Variants in TNFSF4 observed in about 807,000 individuals in gnomAD.
TNFSF4 encodes the protein tumor necrosis factor ligand superfamily member 4.
TNFSF4 carries 4 observed loss-of-function variants against 7.3 expected under a neutral mutation model. The observed-to-expected ratio is 0.55, with a 90% confidence interval of 0.27 to 1.25. The LOEUF (loss-of-function observed/expected upper bound fraction) is 1.25, where lower values mean the gene tolerates loss of function less well. Among genes scored for constraint, TNFSF4 ranks in the 50% most tolerant of loss-of-function variants. The pLI, the probability that TNFSF4 is intolerant of heterozygous loss-of-function variation, is 0.12. For missense variants in TNFSF4, 181 were observed against 208.8 expected, an observed-to-expected ratio of 0.87 and a Z score of 0.82; for synonymous variants, 76 against 83.7, an observed-to-expected ratio of 0.91 and a Z score of 0.50.
chr1:173,379,249 C>CG, the TNFSF4 span, among the ~76,000 whole-genome samples: 1 of 152,094 alleles, frequency 6.6e-6, no homozygotes, highest in Non-Finnish European at 1.5e-5. Flanking sequence ...CAGTATGGAT[C>CG]CCCACTGGGA....
At position 173,186,807 on chromosome 1, in the gene TNFSF4, C is replaced by A. The variant is rs769399217; in HGVS notation, c.261G>T (p.Lys87Asn). The A allele has an allele frequency of 4.3e-6, 7 of 1,612,720 alleles. No individual in the cohort carries two copies. Among genetic ancestry groups the A allele is most frequent in the Non-Finnish European group, 3.4e-6 (4 of 1,179,398 alleles). ...TGATGATGACTGAGTTGTTCTGCACCTTCATGATTTCATCCTCCTTTTGGG... is the reference window on the plus strand; with the variant it reads ...TGATGATGACTGAGTTGTTCTGCACATTCATGATTTCATCCTCCTTTTGGG... ...LTSQKEDEIM[K>N]VQNNSVIINC... Residue 87 changes from lysine to asparagine, a missense_variant, in exon 3 of 3, where the codon AAG becomes AAT. Transcript: ENST00000281834.
chr1:173,314,267 T>A, the TNFSF4 span, among the ~76,000 whole-genome samples: 2 of 152,148 alleles, frequency 1.3e-5, no homozygotes, highest in Non-Finnish European at 2.9e-5. Context: ...TAAGAACAAT[T>A]GTATACATTT....
the TNFSF4 span, among the ~76,000 whole-genome samples, chr1:173,414,932 T>A: frequency 6.6e-6 from 1 of 152,090 alleles, no homozygotes; most frequent in Non-Finnish European, 1.5e-5. Flanking sequence ...GCCCTTGACC[T>A]GATGAGCCAA....
the TNFSF4 span, among the ~76,000 whole-genome samples, chr1:173,178,447 G>A: frequency 3.3e-5 from 5 of 152,080 alleles, no homozygotes; most frequent in Non-Finnish European, 5.9e-5. Context: ...GGTAGCTGGC[G>A]CCTGTAGTCC....
At chr1:173,315,612 C>T in the TNFSF4 span, among the ~76,000 whole-genome samples, 2 of 152,228 alleles carry the variant, frequency 1.3e-5, no homozygotes, top group African/African-American at 4.8e-5. Flanking sequence ...TAAAGGGAGG[C>T]TACTGTGGGT....
chr1:173,345,417 T>C, the TNFSF4 span, among the ~76,000 whole-genome samples: 1 of 152,172 alleles, frequency 6.6e-6, no homozygotes, highest in Non-Finnish European at 1.5e-5. Flanking sequence ...AAGAGAGACC[T>C]CAGTATAGAC....
At chr1:173,411,994 T>C in the TNFSF4 span, among the ~76,000 whole-genome samples, 2 of 149,410 alleles carry the variant, frequency 1.3e-5, no homozygotes, top group African/African-American at 2.5e-5. Context: ...TGGTGGGCGC[T>C]TGTAATCCCA....
At chr1:173,394,044 C>T in the TNFSF4 span, among the ~76,000 whole-genome samples, 2 of 151,984 alleles carry the variant, frequency 1.3e-5, no homozygotes, top group African/African-American at 2.4e-5. Flanking sequence ...GAAGGATATG[C>T]TTTTTATCCA....
intron 1 of TNFSF4, 37 bp from the exon 2 acceptor site, chr1:173,188,606 A>C (rs770201521): frequency 1.7e-5 from 27 of 1,563,382 alleles, no homozygotes; most frequent in Non-Finnish European, 2.2e-5. Context: ...TAGGAAAAAA[A>C]CATGAACAAA....
chr1:173,221,194 G>A, the TNFSF4 span, among the ~76,000 whole-genome samples: 2 of 152,182 alleles, frequency 1.3e-5, no homozygotes, highest in Non-Finnish European at 1.5e-5. Context: ...CTAAGTAATA[G>A]GCCATAGCAT....
the TNFSF4 span, among the ~76,000 whole-genome samples, chr1:173,299,860 T>C: frequency 6.6e-6 from 1 of 151,750 alleles, no homozygotes; most frequent in Non-Finnish European, 1.5e-5. Context: ...AGACATGCAT[T>C]AACTATAAGC....
the TNFSF4 span, chr1:173,363,002 G>A: frequency 1.6e-5 from 6 of 384,962 alleles, no homozygotes; most frequent in Admixed American, 3.0e-5. Flanking sequence ...CTGGGAAAAT[G>A]CGGACTTGCC....
At chr1:173,217,078 G>A in the TNFSF4 span, among the ~76,000 whole-genome samples, 22 of 152,038 alleles carry the variant, frequency 1.4e-4, no homozygotes, top group Non-Finnish European at 2.5e-4. Flanking sequence ...CGTCTGCTCC[G>A]GACTCAGTTT....
chr1:173,193,579 C>T lies in TNFSF4; in HGVS notation c.154-5010G>A, dbSNP rs143249799. ...CCACACAAGTACTATTTTTCTCCCA[C>T]GCGAATTTGAAGAAAAAAATTCTAT... is the stretch of plus-strand genomic sequence containing the variant. On this transcript the variant is annotated intron_variant, in intron 1 of 2. Coordinates refer to ENST00000281834, the MANE Select transcript of TNFSF4 (RefSeq NM_003326.5). Among the ~76,000 whole-genome samples, 667 of 152,206 alleles carry T rather than the reference C, an allele frequency of 4.4e-3. 3 individuals carry two copies. Among genetic ancestry groups the T allele is most frequent in the African/African-American group, 0.014 (569 of 41,524 alleles).
chr1:173,194,283 A>G (rs1210834026), intron 1 of TNFSF4, among the ~76,000 whole-genome samples: 1 of 152,264 alleles, frequency 6.6e-6, no homozygotes, highest in Admixed American at 6.5e-5. Context: ...AGTACTTGCT[A>G]TGCAGCAGTT....
chr1:173,370,896 T>C, the TNFSF4 span, among the ~76,000 whole-genome samples: 1 of 152,190 alleles, frequency 6.6e-6, no homozygotes, highest in Non-Finnish European at 1.5e-5. Context: ...GTTATCAGTG[T>C]GGTTTACAAG....
the TNFSF4 span, among the ~76,000 whole-genome samples, chr1:173,313,691 G>A: frequency 2.0e-5 from 3 of 151,972 alleles, no homozygotes; most frequent in South Asian, 2.1e-4. Flanking sequence ...ATAGACTATC[G>A]ATAGTTCTCT....
At chr1:173,182,753 T>C (rs1005122675), downstream of TNFSF4, among the ~76,000 whole-genome samples, 1 of 152,142 alleles carries the variant, frequency 6.6e-6, no homozygotes, top group Non-Finnish European at 1.5e-5. Flanking sequence ...TGTGGGAGCA[T>C]TGATTGAAGG....
At chr1:173,443,965 G>A in the TNFSF4 span, among the ~76,000 whole-genome samples, 1 of 152,126 alleles carries the variant, frequency 6.6e-6, no homozygotes, top group African/African-American at 2.4e-5. Flanking sequence ...TTAGCCTATA[G>A]TCTTTGTTGC....
Sources: gnomAD v4.1 joint callset for allele counts (sites outside exome capture counted in the v4.1 genomes callset) on GRCh38, gnomAD v4.1.1 for gene constraint, MANE v1.5 for transcripts, NCBI Gene and HGNC (gene_info 2026-07-23, HGNC 2026-07-21) for gene names.